CLEC16A: variants seen among roughly 807,000 people sequenced by gnomAD.
CLEC16A encodes the protein protein CLEC16A.
A neutral mutation model predicts 109.5 loss-of-function variants in CLEC16A; 51 were observed. That is an observed-to-expected ratio of 0.47 (90% CI 0.37 to 0.59). The LOEUF (loss-of-function observed/expected upper bound fraction) is 0.59, where lower values mean the gene tolerates loss of function less well. CLEC16A is among the 20% of genes least tolerant of loss of function. The probability of loss-of-function intolerance (pLI) is 0.00; values close to 1 mark genes in which losing one functional copy is unlikely to be tolerated. For synonymous variants in CLEC16A, 673 were observed against 564.2 expected (o/e 1.19, Z -2.73); for missense variants, 1,339 against 1,394.0 (o/e 0.96, Z 0.63).
Position 11,021,897 on chromosome 16 carries a change from A to G in CLEC16A, c.1436+1572A>G, listed in dbSNP as rs187099037. ...GAGAACATACTTTTCGTAGTATGGTAATACTGTGGCTTTGCTAATGGAAGA... is the reference window on the plus strand; with the variant it reads ...GAGAACATACTTTTCGTAGTATGGTGATACTGTGGCTTTGCTAATGGAAGA... On this transcript the variant is annotated intron_variant, in intron 12 of 23. Coordinates refer to ENST00000409790, the MANE Select transcript of CLEC16A (RefSeq NM_015226.3). 1.4e-3 allele frequency among the ~76,000 whole-genome samples: 213 copies of G among 152,308 alleles called. 1 individual carries two copies. The highest frequency in any genetic ancestry group is 2.2e-3 in the Non-Finnish European group (147 of 68,028).
intron 22 of CLEC16A, among the ~76,000 whole-genome samples, chr16:11,154,757 T>G (rs1447296439): frequency 6.6e-6 from 1 of 151,686 alleles, no homozygotes; most frequent in African/African-American, 2.4e-5. Flanking sequence ...AAACCCCATT[T>G]CTACTAAAAA....
chr16:11,022,035 A>C (rs1473219888), intron 12 of CLEC16A, among the ~76,000 whole-genome samples: 1 of 152,040 alleles, frequency 6.6e-6, no homozygotes, highest in Non-Finnish European at 1.5e-5. Flanking sequence ...TTTGGTGGAG[A>C]GAAGGGTTTT....
chr16:11,157,980 G>A (rs1179541614), intron 22 of CLEC16A, among the ~76,000 whole-genome samples: 1 of 152,134 alleles, frequency 6.6e-6, no homozygotes, highest in African/African-American at 2.4e-5. Flanking sequence ...GATCTTTCTA[G>A]TAAGCCGCAA....
chr16:10,978,438 GA>G (rs1385118247), intron 8 of CLEC16A, among the ~76,000 whole-genome samples: 2 of 152,182 alleles, frequency 1.3e-5, no homozygotes, highest in Non-Finnish European at 2.9e-5. Context: ...GTAAATAAAA[GA>G]AAGTGTATTT....
At chr16:11,095,156 T>A (rs1453232635) in intron 19 of CLEC16A, among the ~76,000 whole-genome samples, 1 of 152,040 alleles carries the variant, frequency 6.6e-6, no homozygotes, top group Non-Finnish European at 1.5e-5. Context: ...GAGCTTGGGA[T>A]CTTTGATGTA....
intron 22 of CLEC16A, among the ~76,000 whole-genome samples, chr16:11,164,572 C>T (rs2054838054): frequency 6.6e-6 from 1 of 152,202 alleles, no homozygotes; most frequent in African/African-American, 2.4e-5. Context: ...GGTGCCATAA[C>T]CTGGGTGTCA....
At chr16:11,135,648 C>A (rs1173982051) in intron 22 of CLEC16A, among the ~76,000 whole-genome samples, 1 of 152,222 alleles carries the variant, frequency 6.6e-6, no homozygotes, top group Non-Finnish European at 1.5e-5. Flanking sequence ...AGGGAACACT[C>A]CCTGGTTGCT....
chr16:11,145,208 G>C (rs118190004), intron 22 of CLEC16A, among the ~76,000 whole-genome samples: 1 of 152,140 alleles, frequency 6.6e-6, no homozygotes, highest in African/African-American at 2.4e-5. Flanking sequence ...AGCAGAGGGC[G>C]AAGGTCCCAC....
chr16:11,099,828 G>C (rs1434161108), intron 19 of CLEC16A, among the ~76,000 whole-genome samples: 1 of 152,190 alleles, frequency 6.6e-6, no homozygotes, highest in Admixed American at 6.5e-5. Flanking sequence ...TTCCCTGCCT[G>C]GGACCCACGT....
At chr16:10,966,730 T>A (rs1321946045) in intron 3 of CLEC16A, among the ~76,000 whole-genome samples, 1 of 152,062 alleles carries the variant, frequency 6.6e-6, no homozygotes, top group Non-Finnish European at 1.5e-5. Flanking sequence ...GGAAGCCCCT[T>A]ACAAAACCAT....
chr16:11,100,779 A>G (rs916070817), intron 19 of CLEC16A, among the ~76,000 whole-genome samples: 18 of 152,378 alleles, frequency 1.2e-4, no homozygotes, highest in Non-Finnish European at 1.9e-4. Context: ...AGTATCTGAA[A>G]TTAGCATGGG....
At chr16:11,082,127 A>G (rs11648679) in intron 19 of CLEC16A, among the ~76,000 whole-genome samples, 55,993 of 152,166 alleles carry the variant, frequency 0.37, 10,476 homozygotes, top group African/African-American at 0.41. Context: ...AGGTTCGTGC[A>G]TGTCTCCCTT....
chr16:11,154,028 A>C (rs2054403872), intron 22 of CLEC16A, among the ~76,000 whole-genome samples: 1 of 152,216 alleles, frequency 6.6e-6, no homozygotes, highest in Admixed American at 6.5e-5. Flanking sequence ...CCGATTTTGG[A>C]AATGAAAGGA....
chr16:11,056,021 C>T (rs1224216543), intron 18 of CLEC16A, among the ~76,000 whole-genome samples: 2 of 152,088 alleles, frequency 1.3e-5, no homozygotes, highest in African/African-American at 4.8e-5. Flanking sequence ...AAGACCAAAA[C>T]AGCAAGGGGT....
At chr16:11,030,701 A>G (rs113445040) in intron 13 of CLEC16A, among the ~76,000 whole-genome samples, 10 of 152,162 alleles carry the variant, frequency 6.6e-5, no homozygotes, top group African/African-American at 1.9e-4. Context: ...CCAGAATGCA[A>G]TGGTGCAATC....
chr16:11,036,790 C>T (rs1451715743), intron 13 of CLEC16A, among the ~76,000 whole-genome samples: 1 of 152,196 alleles, frequency 6.6e-6, no homozygotes, highest in East Asian at 1.9e-4. Flanking sequence ...CTCAGGCGAT[C>T]TGCCCACCTT....
rs560239834 is a variant in CLEC16A at position 11,021,080 on chromosome 16, C to T, written c.1436+755C>T. 3.9e-5 allele frequency among the ~76,000 whole-genome samples: 6 copies of T among 152,194 alleles called. No homozygotes were observed. The South Asian group carries it at 6.2e-4, about 16-fold the overall frequency. ...ACACCAGGATTTCTCTGTCAGCCTG[C>T]GAGGCATTCACTTCCTCAGCCCCTA... On this transcript the variant is annotated intron_variant, in intron 12 of 23. Transcript: ENST00000409790.
intron 22 of CLEC16A, among the ~76,000 whole-genome samples, chr16:11,162,589 A>G (rs2054762353): frequency 6.6e-6 from 1 of 152,152 alleles, no homozygotes; most frequent in Admixed American, 6.5e-5. Flanking sequence ...GACAAGGGGG[A>G]AAGAGAGCAC....
At chr16:11,158,665 G>A (rs2054616318) in intron 22 of CLEC16A, among the ~76,000 whole-genome samples, 1 of 152,126 alleles carries the variant, frequency 6.6e-6, no homozygotes, top group Non-Finnish European at 1.5e-5. Context: ...GCTCATACCT[G>A]TAATCCCAGG....
Sources: allele counts gnomAD v4.1 joint callset (sites outside exome capture counted in the v4.1 genomes callset), GRCh38; gene constraint gnomAD v4.1.1; transcripts MANE v1.5; gene names NCBI Gene and HGNC (gene_info 2026-07-23, HGNC 2026-07-21).